Variants in CHIC1 observed in about 807,000 individuals in gnomAD.
CHIC1 encodes cysteine-rich hydrophobic domain-containing protein 1.
CHIC1 carries 7 observed loss-of-function variants against 18.5 expected under a neutral mutation model. The ratio of observed to expected loss-of-function variants is 0.38; its 90% CI spans 0.22 to 0.71. The LOEUF (loss-of-function observed/expected upper bound fraction) is 0.71. CHIC1 is among the 30% of genes least tolerant of loss of function. The pLI is 0.49. For missense variants in CHIC1, 159 were observed against 176.9 expected (o/e 0.90, Z 0.57); for synonymous variants, 77 against 73.5 (o/e 1.05, Z -0.25).
intron 3 of CHIC1, among the ~76,000 whole-genome samples, chrX:73,629,763 G>T (rs1369490619): frequency 9.0e-6 from 1 of 111,554 alleles, no homozygotes; most frequent in Non-Finnish European, 1.9e-5. Flanking sequence ...AGATTCTTTT[G>T]GCTATCCAAG....
chrX:73,680,109 T>C (rs2147634443), intron 5 of CHIC1, among the ~76,000 whole-genome samples: 1 of 110,056 alleles, frequency 9.1e-6, no homozygotes, highest in South Asian at 3.8e-4. Flanking sequence ...TTTTTTTTTT[T>C]TTTTTGGCTG....
chrX:73,669,376 G>A (rs971530787), intron 3 of CHIC1, among the ~76,000 whole-genome samples: 18 of 111,842 alleles, frequency 1.6e-4, no homozygotes, highest in Non-Finnish European at 3.2e-4. Context: ...ATCTGGCAAA[G>A]CCACTATGTT....
intron 3 of CHIC1, among the ~76,000 whole-genome samples, chrX:73,626,422 A>G (rs2057783861): frequency 2.7e-5 from 3 of 110,980 alleles, no homozygotes; most frequent in African/African-American, 9.8e-5. Context: ...TAAGGCCAAT[A>G]ACTCTTAGAT....
At chrX:73,564,783 C>A (rs2147533012) in intron 1 of CHIC1, among the ~76,000 whole-genome samples, 2 of 94,974 alleles carry the variant, frequency 2.1e-5, no homozygotes, top group East Asian at 3.9e-4. Context: ...CAATTTTTAA[C>A]ATGTTGAGTT....
intron 3 of CHIC1, among the ~76,000 whole-genome samples, chrX:73,641,506 T>A (rs2057856099): frequency 9.0e-6 from 1 of 111,144 alleles, no homozygotes; most frequent in Non-Finnish European, 1.9e-5. Flanking sequence ...TTTTATGAGA[T>A]CAATTTTTTT....
chrX:73,665,494 G>T (rs779283078), intron 3 of CHIC1, among the ~76,000 whole-genome samples: 5 of 111,250 alleles, frequency 4.5e-5, no homozygotes, highest in Non-Finnish European at 9.4e-5. Context: ...GCAAAACCGA[G>T]GCTCCACTAG....
intron 5 of CHIC1, among the ~76,000 whole-genome samples, chrX:73,680,214 C>A (rs1271483526): frequency 3.7e-5 from 4 of 108,612 alleles, no homozygotes; most frequent in African/African-American, 6.7e-5. Flanking sequence ...TCACATATAG[C>A]CAATGTGATC....
intron 3 of CHIC1, among the ~76,000 whole-genome samples, chrX:73,633,588 G>A (rs2057818059): frequency 9.0e-6 from 1 of 110,994 alleles, no homozygotes; most frequent in African/African-American, 3.3e-5. Context: ...TCCAGATTTG[G>A]GAAGTTTTCC....
intron 1 of CHIC1, among the ~76,000 whole-genome samples, chrX:73,571,719 T>C (rs1216650546): frequency 9.0e-6 from 1 of 111,606 alleles, no homozygotes; most frequent in African/African-American, 3.2e-5. Flanking sequence ...TTTTAAAATG[T>C]AGTTAAAATC....
intron 3 of CHIC1, among the ~76,000 whole-genome samples, chrX:73,616,081 C>G (rs2057731496): frequency 9.1e-6 from 1 of 110,388 alleles, no homozygotes; most frequent in South Asian, 4.0e-4. Context: ...ATTGGCCCCC[C>G]TCCCCCCAGG....
At chrX:73,644,498 G>T (rs1228048353) in intron 3 of CHIC1, among the ~76,000 whole-genome samples, 1 of 112,507 alleles carries the variant, frequency 8.9e-6, no homozygotes, top group Non-Finnish European at 1.9e-5. Flanking sequence ...GCCTACAGAG[G>T]CAGGCAGGCC....
intron 3 of CHIC1, among the ~76,000 whole-genome samples, chrX:73,614,934 T>C (rs1460918265): frequency 2.7e-5 from 3 of 111,427 alleles, no homozygotes; most frequent in African/African-American, 9.8e-5. Context: ...TCAAACTTCC[T>C]TGCTTTTTGA....
intron 3 of CHIC1, among the ~76,000 whole-genome samples, chrX:73,610,200 C>G (rs2057701210): frequency 9.1e-6 from 1 of 109,323 alleles, no homozygotes; most frequent in Non-Finnish European, 1.9e-5. Flanking sequence ...CACGTTGCTG[C>G]AAATGCATTT....
intron 3 of CHIC1, among the ~76,000 whole-genome samples, chrX:73,624,007 A>G (rs966417526): frequency 9.0e-6 from 1 of 110,738 alleles, no homozygotes; most frequent in African/African-American, 3.3e-5. Flanking sequence ...CCTAATAAGC[A>G]GGCACAGCTG....
intron 3 of CHIC1, among the ~76,000 whole-genome samples, chrX:73,586,249 C>A (rs2057552622): frequency 9.0e-6 from 1 of 111,034 alleles, no homozygotes; most frequent in Non-Finnish European, 1.9e-5. Context: ...TAGAAACCAC[C>A]CATAGTTTAC....
chrX:73,588,471 A>G (rs2057564332), intron 3 of CHIC1, among the ~76,000 whole-genome samples: 1 of 111,594 alleles, frequency 9.0e-6, no homozygotes, highest in African/African-American at 3.2e-5. Context: ...CGCATTAACT[A>G]CATTGACAGT....
intron 2 of CHIC1, among the ~76,000 whole-genome samples, chrX:73,584,074 C>T (rs772973460): frequency 9.0e-6 from 1 of 110,914 alleles, no homozygotes; most frequent in East Asian, 2.9e-4. Context: ...CCAGCTTTTA[C>T]TCAGAATGAC....
chrX:73,607,517 G>T (rs2057688577), intron 3 of CHIC1, among the ~76,000 whole-genome samples: 1 of 107,547 alleles, frequency 9.3e-6, no homozygotes, highest in Admixed American at 9.8e-5. Flanking sequence ...CATTCCAGGA[G>T]CCACTGGGGT....
At position 73,685,615 on chromosome X, in the gene CHIC1, C is replaced by T. The variant is rs1410062988; in HGVS notation, c.*4610C>T. 1.8e-5 allele frequency: 2 copies of T among 111,250 alleles called. No homozygotes were observed. Among genetic ancestry groups the T allele is most frequent in the Non-Finnish European group, 3.8e-5 (2 of 52,913 alleles). The allele number at this position is 111,250 out of a possible 1,213,427, so 9.2% of individuals were successfully genotyped here. ...CCTCTGTACCTCACGTCCTCATTGT[C>T]GAAGTGGGGACAATAATCTGGACCT... On this transcript the variant is annotated 3_prime_UTR_variant, in exon 6 of 6. Coordinates refer to ENST00000373502, the MANE Select transcript of CHIC1 (RefSeq NM_001039840.4).
Sources: allele counts gnomAD v4.1 joint callset (sites outside exome capture counted in the v4.1 genomes callset), GRCh38; gene constraint gnomAD v4.1.1; transcripts MANE v1.5; gene names NCBI Gene and HGNC (gene_info 2026-07-23, HGNC 2026-07-21).